WWC1: variants seen among roughly 807,000 people sequenced by gnomAD.
WWC1 encodes WW and C2 domain containing 1, also known as protein KIBRA.
WWC1 carries 55 observed loss-of-function variants against 138.4 expected under a neutral mutation model. The ratio of observed to expected loss-of-function variants is 0.40; its 90% CI spans 0.32 to 0.50. The LOEUF is 0.50. Among genes scored for constraint, WWC1 ranks in the 20% least tolerant of loss-of-function variants. The probability of loss-of-function intolerance (pLI) is 0.72; values close to 1 mark genes in which losing one functional copy is unlikely to be tolerated. For missense variants in WWC1, 1,226 were observed against 1,420.4 expected (o/e 0.86, Z 2.20); for synonymous variants, 524 against 564.9 (o/e 0.93, Z 1.03).
intron 1 of WWC1, among the ~76,000 whole-genome samples, chr5:168,299,614 A>G (rs994016105): frequency 1.3e-5 from 2 of 152,070 alleles, no homozygotes; most frequent in African/African-American, 4.8e-5. Context: ...ATCCAAACTG[A>G]CCCAATTTTC....
rs1346065038 is a variant in WWC1, at chr5:168,292,179, G to T, written c.27G>T (p.Pro9=). 1 of 1,547,792 alleles carries T rather than the reference G, an allele frequency of 6.5e-7. No individual in the cohort carries two copies. The highest frequency in any genetic ancestry group is 1.4e-5 in the African/African-American group (1 of 72,548). The part of the protein sequence containing the change: MPRPELPL[P]EGWEEARDFD... ...TGCCCCGGCCGGAGCTGCCCCTGCC[G>T]GAGGGCTGGGAGGAGGCGCGCGACT... The change falls in exon 1 of 23, where the codon CCG becomes CCT. Residue 9 remains proline, a synonymous_variant. Coordinates refer to ENST00000265293, the MANE Select transcript of WWC1 (RefSeq NM_015238.3). The surrounding 1 kb of genome is among the most constrained non-coding windows in gnomAD (Gnocchi z 4.4).
Position 168,423,688 on chromosome 5 carries a change from T to A in WWC1, c.1430T>A (p.Leu477Gln), listed in dbSNP as rs779588748. Residue 477 changes from leucine (L) to glutamine (Q), a missense_variant, in exon 11 of 23, where the codon CTG becomes CAG. Leu to Gln is a moderately radical substitution (Grantham distance 113, BLOSUM62 -2). This residue lies in a region of WWC1 where 1,016 missense variants were observed against 1,153.9 expected (regional missense o/e 0.88). Coordinates refer to ENST00000265293, the MANE Select transcript of WWC1 (RefSeq NM_015238.3). ...YDPFEQLDSE[L>Q]QSKVEFLLLE... ...CCCTTTGAGCAGCTGGACTCAGAGC[T>A]GCAGAGCAAGGTGGAGTTCCTGCTC... 2 of 1,614,172 alleles carry A rather than the reference T, an allele frequency of 1.2e-6. No individual in the cohort carries two copies. Among genetic ancestry groups the A allele is most frequent in the East Asian group, 4.5e-5 (2 of 44,880 alleles).
rs1195398663 is a variant in WWC1, at chr5:168,428,753, G to C, written c.1966G>C (p.Ala656Pro). The change falls in exon 13 of 23, where the codon GCA becomes CCA. Residue 656 changes from alanine to proline, a missense_variant. Around this residue, in one of 3 missense-constraint regions of WWC1, gnomAD observed 1,016 missense variants for 1,153.9 expected, o/e 0.88. Coordinates refer to ENST00000265293, the MANE Select transcript of WWC1 (RefSeq NM_015238.3). ...AAAFDSDESE[A>P]VGATRIQIAL... is the part of the protein sequence containing the mutation. ...TGCATTTGACAGTGACGAATCGGAA[G>C]CAGTGGGTGCGACCCGAATTCAGAT... is the stretch of plus-strand genomic sequence containing the variant. The C allele has an allele frequency of 6.2e-7, 1 of 1,613,944 alleles. No individual in the cohort carries two copies. The highest frequency in any genetic ancestry group is 8.5e-7 in the Non-Finnish European group (1 of 1,179,902).
At chr5:168,394,729 G>GA (rs912076929) in intron 3 of WWC1, among the ~76,000 whole-genome samples, 34 of 151,408 alleles carry the variant, frequency 2.2e-4, no homozygotes, top group Admixed American at 2.0e-3. Flanking sequence ...CATCTCAATT[G>GA]AAAAAAAAAT....
intron 15 of WWC1, among the ~76,000 whole-genome samples, chr5:168,439,583 T>C (rs1422834210): frequency 1.3e-5 from 2 of 149,354 alleles, no homozygotes; most frequent in Admixed American, 1.3e-4. Flanking sequence ...GCCAAGACCA[T>C]GCCATTGCAC....
intron 8 of WWC1, among the ~76,000 whole-genome samples, chr5:168,412,937 C>T (rs1780339347): frequency 6.6e-6 from 1 of 152,074 alleles, no homozygotes; most frequent in Admixed American, 6.6e-5. Flanking sequence ...GAACCAATCC[C>T]CTGCAGATAC....
At chr5:168,322,804 A>G (rs1321400631) in intron 1 of WWC1, among the ~76,000 whole-genome samples, 1 of 152,164 alleles carries the variant, frequency 6.6e-6, no homozygotes, top group Non-Finnish European at 1.5e-5. Context: ...CATTTTTTGC[A>G]TGTGGTTTCC....
At chr5:168,420,345 T>C (rs1481443119) in intron 9 of WWC1, among the ~76,000 whole-genome samples, 3 of 152,166 alleles carry the variant, frequency 2.0e-5, no homozygotes, top group Admixed American at 6.5e-5. Flanking sequence ...TCTTCCCCCG[T>C]GCCTGTGCCC....
intron 15 of WWC1, among the ~76,000 whole-genome samples, chr5:168,439,813 C>T (rs1561768540): frequency 6.6e-6 from 1 of 152,150 alleles, no homozygotes; most frequent in Non-Finnish European, 1.5e-5. Context: ...GACTAAATTC[C>T]TTCCGTCGGG....
rs1757552597 is a variant in WWC1 at position 168,469,090 on chromosome 5, G to A, written c.*73G>A. On this transcript the variant is annotated 3_prime_UTR_variant, in exon 23 of 23. Coordinates refer to ENST00000265293, the MANE Select transcript of WWC1 (RefSeq NM_015238.3). ...TGACTGTGGCTAAAGTTATTTATGT[G>A]GTGTTATATGAAGGTACTGAGTCAC... The A allele has an allele frequency of 6.3e-7, 1 of 1,580,452 alleles. No homozygotes were observed. Among genetic ancestry groups the A allele is most frequent in the Middle Eastern group, 1.7e-4 (1 of 6,006 alleles).
intron 15 of WWC1, among the ~76,000 whole-genome samples, chr5:168,436,938 A>G (rs888697634): frequency 2.0e-5 from 3 of 152,152 alleles, no homozygotes; most frequent in African/African-American, 7.2e-5. Flanking sequence ...CTAAAACCTT[A>G]TGATGGCATA....
intron 1 of WWC1, among the ~76,000 whole-genome samples, chr5:168,343,136 A>G (rs1292175188): frequency 6.8e-6 from 1 of 146,638 alleles, no homozygotes; most frequent in Admixed American, 6.7e-5. Context: ...TCCCTTTCAC[A>G]TTTGCACAGA....
At chr5:168,462,928 T>C (rs576622189) in intron 20 of WWC1, among the ~76,000 whole-genome samples, 1 of 152,370 alleles carries the variant, frequency 6.6e-6, no homozygotes, top group East Asian at 1.9e-4. Flanking sequence ...TCCTTGATCC[T>C]GCTCATTTAT....
intron 1 of WWC1, among the ~76,000 whole-genome samples, chr5:168,330,247 G>A (rs536707401): frequency 5.9e-5 from 9 of 152,304 alleles, no homozygotes; most frequent in East Asian, 1.9e-4. Flanking sequence ...GGAGGGTCTC[G>A]GCAATCGGCT....
rs955853457 is a variant in WWC1 at position 168,292,597 on chromosome 5, G to C, written c.119+326G>C. ...CCCGCCCCCTTTAGGAAGAGAGGTC[G>C]GGCGGGGGCGGGGGTTGGGGGAGCG... On this transcript the variant is annotated intron_variant, in intron 1 of 22. Coordinates refer to ENST00000265293, the MANE Select transcript of WWC1 (RefSeq NM_015238.3). The surrounding 1 kb of genome is among the most constrained non-coding windows in gnomAD (Gnocchi z 4.4). Among the ~76,000 whole-genome samples the C allele has an allele frequency of 6.6e-6, 1 of 152,080 alleles. No individual in the cohort carries two copies. Among genetic ancestry groups the C allele is most frequent in the Non-Finnish European group, 1.5e-5 (1 of 67,994 alleles).
chr5:168,449,153 AT>A lies in WWC1; in HGVS notation c.2525+4575del, dbSNP rs36015708. ...CTTCACCAGCACTTGATATTACCAG[AT>A]TTTTTTCCGCTTTGCCACTCCAGTA... On this transcript the variant is annotated intron_variant, in intron 17 of 22. Coordinates refer to ENST00000265293, the MANE Select transcript of WWC1 (RefSeq NM_015238.3). Among the ~76,000 whole-genome samples, 6 of 151,838 alleles carry A rather than the reference AT, an allele frequency of 4.0e-5. No homozygotes were observed. The East Asian group carries it at 5.8e-4, about 15-fold the overall frequency.
chr5:168,396,559 T>C (rs1469711562), intron 3 of WWC1, among the ~76,000 whole-genome samples: 1 of 152,178 alleles, frequency 6.6e-6, no homozygotes, highest in Non-Finnish European at 1.5e-5. Context: ...CGACCAAGAA[T>C]AACTGTTCTT....
intron 3 of WWC1, among the ~76,000 whole-genome samples, chr5:168,397,090 T>C (rs17442877): frequency 0.099 from 15,065 of 152,104 alleles, 999 homozygotes; most frequent in African/African-American, 0.19. Flanking sequence ...TTCAGTCTTC[T>C]TAAAATGCAT....
At chr5:168,414,243 C>T (rs1780424645) in intron 8 of WWC1, 105 bp from the exon 9 acceptor site, 1 of 1,467,100 alleles carries the variant, frequency 6.8e-7, no homozygotes, top group African/African-American at 1.4e-5. Flanking sequence ...CAAAGGAAGA[C>T]AGTAACTGTC....
Sources: allele counts gnomAD v4.1 joint callset (sites outside exome capture counted in the v4.1 genomes callset), GRCh38; gene constraint gnomAD v4.1.1; regional missense constraint gnomAD v4.1.1; non-coding constraint Gnocchi (gnomAD v3.1); transcripts MANE v1.5; gene names NCBI Gene and HGNC (gene_info 2026-07-23, HGNC 2026-07-21).